Variants in AHI1 observed in about 807,000 individuals in gnomAD.
AHI1 encodes the protein Abelson helper integration site 1, also known as jouberin.
In AHI1, 123 loss-of-function variants were observed where a neutral mutation model predicts 149.3. That is an observed-to-expected ratio of 0.82 (90% confidence interval 0.71 to 0.96). AHI1 has a LOEUF of 0.96. AHI1 is among the 40% of genes least tolerant of loss of function. The pLI, the probability that AHI1 is intolerant of heterozygous loss-of-function variation, is 0.00. For missense variants in AHI1, 1,439 were observed against 1,422.7 expected (o/e 1.01, Z -0.18); for synonymous variants, 475 against 459.8 (o/e 1.03, Z -0.42).
At chr6:135,357,539 T>C (rs1300347836) in intron 24 of AHI1, among the ~76,000 whole-genome samples, 2 of 152,232 alleles carry the variant, frequency 1.3e-5, no homozygotes, top group East Asian at 1.9e-4. Context: ...AGGAAGTACT[T>C]GGAAGACTTA....
At chr6:135,403,376 T>G (rs918594508) in intron 22 of AHI1, among the ~76,000 whole-genome samples, 1 of 152,208 alleles carries the variant, frequency 6.6e-6, no homozygotes, top group African/African-American at 2.4e-5. Flanking sequence ...GTAAGGTTAA[T>G]TTTTCCAGAC....
chr6:135,404,680 G>A (rs1780504107), intron 22 of AHI1, among the ~76,000 whole-genome samples: 1 of 152,170 alleles, frequency 6.6e-6, no homozygotes, highest in African/African-American at 2.4e-5. Flanking sequence ...CTCAGAGAAT[G>A]ACATGACCTT....
At chr6:135,487,231 G>A (rs933356557) in intron 5 of AHI1, among the ~76,000 whole-genome samples, 15 of 152,008 alleles carry the variant, frequency 9.9e-5, no homozygotes, top group Admixed American at 2.6e-4. Flanking sequence ...CTTAGAAAGT[G>A]TAATAATCTA....
intron 14 of AHI1, among the ~76,000 whole-genome samples, chr6:135,441,438 C>T (rs2128043734): frequency 6.6e-6 from 1 of 152,118 alleles, no homozygotes; most frequent in East Asian, 1.9e-4. Context: ...GAATACATCT[C>T]TAATTTGTGA....
chr6:135,471,994 G>A (rs1791788456), intron 5 of AHI1, among the ~76,000 whole-genome samples: 1 of 114,588 alleles, frequency 8.7e-6, no homozygotes. Context: ...AGTCCGGCCT[G>A]GGCGACAGAG....
In AHI1 at chr6:135,429,893, C is replaced by T. The variant is rs1784406706; in HGVS notation, c.2481G>A (p.Met827Ile). 5 of 1,552,070 alleles carry T rather than the reference C, an allele frequency of 3.2e-6. No homozygotes were observed. Among genetic ancestry groups the T allele is most frequent in the Non-Finnish European group, 3.5e-6 (4 of 1,134,542 alleles). Residue 827 changes from methionine (M) to isoleucine (I), a missense_variant, in exon 18 of 29, where the codon ATG (methionine) becomes ATA (isoleucine). Physicochemically the swap from Met to Ile is conservative, Grantham distance 10. Transcript: ENST00000265602. ...TGAAATATACTTACATCCGGAGATC[C>T]ATAATTCTCAAAGTACTGTCTTTGG... ...IHTKDSTLRI[M>I]DLRILVARKF... is the part of the protein sequence containing the mutation.
chr6:135,383,929 C>T (rs1230762298), intron 23 of AHI1, among the ~76,000 whole-genome samples: 1 of 152,202 alleles, frequency 6.6e-6, no homozygotes, highest in Non-Finnish European at 1.5e-5. Context: ...TGTAATTCTT[C>T]CTTCAATTCT....
At chr6:135,315,107 T>A (rs1785747815) in intron 26 of AHI1, among the ~76,000 whole-genome samples, 1 of 152,178 alleles carries the variant, frequency 6.6e-6, no homozygotes, top group South Asian at 2.1e-4. Flanking sequence ...TCTTTGTTCA[T>A]CAGTTTCCTC....
At position 135,385,876 on chromosome 6, in the gene AHI1, T is replaced by C. The variant is rs1047612193; in HGVS notation, c.3109+8900A>G. The stretch of plus-strand genomic sequence containing the variant: ...GAAGGTGTAATGGCAGAAATCAGTG[T>C]CTTTAAATTCTTTCTTAACTTACCC... On this transcript the variant is annotated intron_variant, in intron 23 of 28. Transcript: ENST00000265602. Among the ~76,000 whole-genome samples, 14 of 152,320 alleles carry C rather than the reference T, an allele frequency of 9.2e-5. No homozygotes were observed. The East Asian group carries it at 1.2e-3, about 13-fold the overall frequency.
chr6:135,405,859 C>CAAAAAAAAAAAAAAAGAAAAAAAAAAAAA, intron 21 of AHI1, among the ~76,000 whole-genome samples: 1 of 29,372 alleles, frequency 3.4e-5, no homozygotes, highest in Non-Finnish European at 7.5e-5. Flanking sequence ...GACTCCAACT[C>CAAAAAAAAAAAAAAAGAAAAAAAAAAAAA]AAAAAAAAAA....
intron 25 of AHI1, among the ~76,000 whole-genome samples, chr6:135,320,957 C>G (rs1335752226): frequency 6.6e-6 from 1 of 152,172 alleles, no homozygotes; most frequent in Non-Finnish European, 1.5e-5. Flanking sequence ...GTTAGAAGTG[C>G]TGAGCTTATG....
At chr6:135,398,896 C>T (rs1350793612) in intron 22 of AHI1, among the ~76,000 whole-genome samples, 1 of 152,110 alleles carries the variant, frequency 6.6e-6, no homozygotes, top group Non-Finnish European at 1.5e-5. Flanking sequence ...CCAAATTCTA[C>T]CTTCAGGCCA....
intron 25 of AHI1, among the ~76,000 whole-genome samples, chr6:135,321,538 G>A (rs1030457210): frequency 3.9e-5 from 6 of 152,110 alleles, no homozygotes; most frequent in Admixed American, 6.5e-5. Context: ...AGGTGCCAAA[G>A]ACAGATAATT....
intron 23 of AHI1, among the ~76,000 whole-genome samples, chr6:135,375,401 G>A (rs191273145): frequency 9.1e-4 from 139 of 152,186 alleles, no homozygotes; most frequent in African/African-American, 3.2e-3. Flanking sequence ...ATTAACACGA[G>A]TAGCCATGTA....
intron 23 of AHI1, among the ~76,000 whole-genome samples, chr6:135,367,150 CTGA>C (rs1774304586): frequency 6.6e-6 from 1 of 152,098 alleles, no homozygotes; most frequent in Non-Finnish European, 1.5e-5. Context: ...AAATTCTTGG[CTGA>C]TGATTGTTTT....
At chr6:135,358,007 T>C in intron 24 of AHI1, 125 bp downstream of exon 24, 1 of 744,550 alleles carries the variant, frequency 1.3e-6, no homozygotes, top group Non-Finnish European at 2.3e-6. Flanking sequence ...TATGAACAAA[T>C]CTTGCAGGGA....
chr6:135,428,944 G>C (rs570712064), intron 18 of AHI1, among the ~76,000 whole-genome samples, 185 bp from the exon 19 acceptor site: 1 of 151,656 alleles, frequency 6.6e-6, no homozygotes, highest in East Asian at 1.9e-4. Context: ...AAGAGCCCAG[G>C]GAGTTTATAA....
At chr6:135,393,263 C>T (rs1778770912) in intron 23 of AHI1, among the ~76,000 whole-genome samples, 1 of 151,942 alleles carries the variant, frequency 6.6e-6, no homozygotes, top group South Asian at 2.1e-4. Context: ...TGCTCTTTCC[C>T]TTTACAAAAA....
At chr6:135,408,551 C>T (rs919508608) in intron 21 of AHI1, among the ~76,000 whole-genome samples, 7 of 151,760 alleles carry the variant, frequency 4.6e-5, no homozygotes, top group African/African-American at 7.2e-5. Context: ...AAATCTAAAC[C>T]CAGAGATGGA....
Sources: allele counts gnomAD v4.1 joint callset (sites outside exome capture counted in the v4.1 genomes callset), GRCh38; gene constraint gnomAD v4.1.1; transcripts MANE v1.5; gene names NCBI Gene and HGNC (gene_info 2026-07-23, HGNC 2026-07-21).